EPHA6: variants seen among roughly 807,000 people sequenced by gnomAD.
The protein encoded by EPHA6 is ephrin type-A receptor 6.
EPHA6 carries 50 observed loss-of-function variants against 112.0 expected under a neutral mutation model. The ratio of observed to expected loss-of-function variants is 0.45; its 90% CI spans 0.36 to 0.56. EPHA6 has a LOEUF of 0.56. EPHA6 is among the 20% of genes least tolerant of loss of function. The probability of loss-of-function intolerance (pLI) is 0.00; values close to 1 mark genes in which losing one functional copy is unlikely to be tolerated. For missense variants in EPHA6, 1,280 were observed against 1,417.4 expected (o/e 0.90, Z 1.56); for synonymous variants, 529 against 490.7 (o/e 1.08, Z -1.03).
At chr3:97,341,684 C>T (rs994303555) in intron 5 of EPHA6, among the ~76,000 whole-genome samples, 5 of 152,020 alleles carry the variant, frequency 3.3e-5, no homozygotes, top group African/African-American at 1.2e-4. Flanking sequence ...AACATTAGAT[C>T]ATATATATAA....
intron 5 of EPHA6, among the ~76,000 whole-genome samples, chr3:97,318,748 GTAT>G (rs1436001011): frequency 6.6e-6 from 1 of 151,684 alleles, no homozygotes; most frequent in East Asian, 1.9e-4. Flanking sequence ...GCTGTCCATG[GTAT>G]TATATAAATA....
intron 5 of EPHA6, among the ~76,000 whole-genome samples, chr3:97,389,649 T>C (rs1445839819): frequency 6.6e-6 from 1 of 152,192 alleles, no homozygotes; most frequent in Non-Finnish European, 1.5e-5. Context: ...TAGAAATTAA[T>C]TTAGAACATA....
intron 3 of EPHA6, among the ~76,000 whole-genome samples, chr3:97,185,051 T>C (rs1268733731): frequency 6.6e-6 from 1 of 152,166 alleles, no homozygotes; most frequent in Non-Finnish European, 1.5e-5. Context: ...TTACACCTTA[T>C]ACAAAAATTA....
At position 97,750,205 on chromosome 3, in the gene EPHA6, T is replaced by C. The variant is rs2035862982; in HGVS notation, c.*1504T>C. 6.6e-6 allele frequency among the ~76,000 whole-genome samples: 1 copy of C among 152,066 alleles called. No homozygotes were observed. Among genetic ancestry groups the C allele is most frequent in the African/African-American group, 2.4e-5 (1 of 41,400 alleles). On this transcript the variant is annotated 3_prime_UTR_variant, in exon 18 of 18. Coordinates refer to ENST00000389672, the MANE Select transcript of EPHA6 (RefSeq NM_001080448.3). ...AGGTTGTCTAAAGATGCTGATTTAATAAATTAGCTTTTGTTGGATCTCAGT... is the reference window on the plus strand; with the variant it reads ...AGGTTGTCTAAAGATGCTGATTTAACAAATTAGCTTTTGTTGGATCTCAGT...
chr3:97,602,591 T>C (rs1006415138), intron 12 of EPHA6, among the ~76,000 whole-genome samples: 26 of 152,196 alleles, frequency 1.7e-4, no homozygotes, highest in African/African-American at 6.3e-4. Flanking sequence ...CTTAGGCAAG[T>C]TGCTTAAACT....
chr3:96,928,716 G>A (rs1269131493), intron 2 of EPHA6, among the ~76,000 whole-genome samples: 1 of 152,008 alleles, frequency 6.6e-6, no homozygotes, highest in Non-Finnish European at 1.5e-5. Flanking sequence ...TTGTCAGTGG[G>A]GTGGTAAAGT....
chr3:97,631,446 G>C (rs1419956115), intron 13 of EPHA6, among the ~76,000 whole-genome samples: 1 of 151,866 alleles, frequency 6.6e-6, no homozygotes, highest in Non-Finnish European at 1.5e-5. Context: ...CAAAGGTTTG[G>C]AATTAATAAT....
chr3:97,574,566 G>C (rs768691221), intron 11 of EPHA6, among the ~76,000 whole-genome samples: 19 of 152,068 alleles, frequency 1.2e-4, no homozygotes, highest in Non-Finnish European at 2.5e-4. Context: ...TGTGACCAGA[G>C]AGACTGATAA....
chr3:97,293,348 T>C (rs1256413024), intron 5 of EPHA6, among the ~76,000 whole-genome samples: 1 of 152,008 alleles, frequency 6.6e-6, no homozygotes, highest in African/African-American at 2.4e-5. Flanking sequence ...GTTGCTCCTT[T>C]TGGCAGGCAG....
At chr3:97,717,124 G>A (rs62262841) in intron 14 of EPHA6, among the ~76,000 whole-genome samples, 2 of 151,604 alleles carry the variant, frequency 1.3e-5, no homozygotes, top group Non-Finnish European at 2.9e-5. Flanking sequence ...CCAGCTACTC[G>A]GGAGGCTGAG....
At chr3:97,236,250 A>C (rs2078676514) in intron 4 of EPHA6, among the ~76,000 whole-genome samples, 1 of 151,824 alleles carries the variant, frequency 6.6e-6, no homozygotes, top group South Asian at 2.1e-4. Context: ...CTGAGGTTGG[A>C]GAAACAAAGT....
intron 4 of EPHA6, among the ~76,000 whole-genome samples, chr3:97,230,602 G>A (rs757212581): frequency 1.3e-5 from 2 of 152,046 alleles, no homozygotes; most frequent in Non-Finnish European, 2.9e-5. Flanking sequence ...TTCCTTCTAC[G>A]CTTCATAGTT....
chr3:97,561,679 T>A (rs574239029), intron 11 of EPHA6, among the ~76,000 whole-genome samples: 12 of 152,236 alleles, frequency 7.9e-5, no homozygotes, highest in Middle Eastern at 3.4e-3. Flanking sequence ...GCTAGGATAA[T>A]TGATGAAGGT....
At chr3:97,549,518 A>C (rs1246283836) in intron 11 of EPHA6, among the ~76,000 whole-genome samples, 1 of 152,242 alleles carries the variant, frequency 6.6e-6, no homozygotes, top group Non-Finnish European at 1.5e-5. Context: ...CAAGACTAAC[A>C]AAACTTGAAG....
chr3:97,225,755 A>G (rs753453912), intron 3 of EPHA6, among the ~76,000 whole-genome samples: 10 of 152,214 alleles, frequency 6.6e-5, no homozygotes, highest in Non-Finnish European at 1.2e-4. Flanking sequence ...GAGTTACAGC[A>G]TATACAAAAG....
chr3:96,871,012 G>T (rs1390661153), intron 2 of EPHA6, among the ~76,000 whole-genome samples: 1 of 151,932 alleles, frequency 6.6e-6, no homozygotes, highest in Non-Finnish European at 1.5e-5. Context: ...GTAAATTTTG[G>T]TGATAATTTC....
chr3:96,947,789 G>A (rs1341336808), intron 2 of EPHA6, among the ~76,000 whole-genome samples: 2 of 152,138 alleles, frequency 1.3e-5, no homozygotes, highest in Non-Finnish European at 2.9e-5. Flanking sequence ...CTCATGGATA[G>A]GAAGAATCAA....
chr3:97,326,363 C>T (rs1190555240), intron 5 of EPHA6, among the ~76,000 whole-genome samples: 1 of 151,500 alleles, frequency 6.6e-6, no homozygotes, highest in Non-Finnish European at 1.5e-5. Context: ...TTTAAATCAG[C>T]TACCCTTTAT....
intron 3 of EPHA6, among the ~76,000 whole-genome samples, chr3:97,216,645 G>A (rs2078043343): frequency 6.6e-6 from 1 of 152,136 alleles, no homozygotes; most frequent in Non-Finnish European, 1.5e-5. Context: ...CCTATAGTAA[G>A]TACTGCCAAA....
Sources: allele counts gnomAD v4.1 joint callset (sites outside exome capture counted in the v4.1 genomes callset), GRCh38; gene constraint gnomAD v4.1.1; transcripts MANE v1.5; gene names NCBI Gene and HGNC (gene_info 2026-07-23, HGNC 2026-07-21).